Variants in ABCA4 observed in about 807,000 individuals in gnomAD.
The protein encoded by ABCA4 is retinal-specific phospholipid-transporting ATPase ABCA4.
A neutral mutation model predicts 263.7 loss-of-function variants in ABCA4; 196 were observed. The ratio of observed to expected loss-of-function variants is 0.74; its 90% CI spans 0.66 to 0.84. The LOEUF (loss-of-function observed/expected upper bound fraction) is 0.84. Among genes scored for constraint, ABCA4 ranks in the 40% least tolerant of loss-of-function variants. The pLI is 0.00. For synonymous variants in ABCA4, 1,133 were observed against 1,094.2 expected (o/e 1.04, Z -0.70); for missense variants, 2,792 against 2,855.1 (o/e 0.98, Z 0.50).
intron 1 of ABCA4, among the ~76,000 whole-genome samples, chr1:94,117,938 C>T (rs1206021697): frequency 5.9e-5 from 9 of 152,216 alleles, no homozygotes; most frequent in East Asian, 1.9e-4. Flanking sequence ...ATTAATAGTG[C>T]TCCCTTTCAC....
intron 17 of ABCA4, 148 bp downstream of exon 17, chr1:94,051,485 C>T: frequency 1.4e-6 from 1 of 735,484 alleles, no homozygotes; most frequent in South Asian, 1.6e-5. Flanking sequence ...GCTGCAATGC[C>T]CATCAAGGGG....
At chr1:94,087,353 G>A (rs1335455534) in intron 6 of ABCA4, among the ~76,000 whole-genome samples, 4 of 152,254 alleles carry the variant, frequency 2.6e-5, no homozygotes, top group Middle Eastern at 3.4e-3. Context: ...ACTAGGCTTC[G>A]TCACAGTGAC....
chr1:94,017,707 G>A (rs1285972888), intron 36 of ABCA4, among the ~76,000 whole-genome samples: 6 of 152,070 alleles, frequency 3.9e-5, no homozygotes, highest in Non-Finnish European at 2.9e-5. Flanking sequence ...AGTATACATC[G>A]GACGTGCTGA....
rs773118252 is a variant in ABCA4 at position 94,078,676 on chromosome 1, C to T, written c.1270G>A (p.Val424Ile). 15 of 1,593,534 alleles carry T rather than the reference C, an allele frequency of 9.4e-6. No homozygotes were observed. The highest frequency in any genetic ancestry group is 4.4e-5 in the South Asian group (4 of 90,806). The part of the protein sequence containing the change: ...ANSTFEELEH[V>I]RKLVKAWEEV... The stretch of plus-strand genomic sequence containing the variant: ...TCCCAGGCTTTGACCAACTTCCTAA[C>T]GTGTTCCAGTTCTTCAAAAGTTGAG... The change falls in exon 10 of 50, where the codon GTT (valine) becomes ATT (isoleucine). Residue 424 changes from valine (V) to isoleucine (I), a missense_variant. By Grantham distance (29) the Val-to-Ile change is conservative (BLOSUM62 3). Transcript: ENST00000370225.
chr1:94,020,017 A>T (rs1011197254), intron 35 of ABCA4, among the ~76,000 whole-genome samples: 3 of 152,114 alleles, frequency 2.0e-5, no homozygotes, highest in Non-Finnish European at 4.4e-5. Context: ...ATATTCTCTA[A>T]TTATTTTTAT....
At chr1:94,118,374 ACTCTTG>A (rs1196477414) in intron 1 of ABCA4, among the ~76,000 whole-genome samples, 4 of 152,074 alleles carry the variant, frequency 2.6e-5, no homozygotes, top group Non-Finnish European at 5.9e-5. Context: ...ATCTGATTTT[ACTCTTG>A]CTCTGCTTAC....
intron 1 of ABCA4, among the ~76,000 whole-genome samples, chr1:94,117,391 A>G (rs1662820111): frequency 1.3e-5 from 2 of 152,098 alleles, no homozygotes; most frequent in Admixed American, 1.3e-4. Flanking sequence ...TGCTGAACCC[A>G]GGACAAAGGC....
At chr1:94,079,247 T>TCA (rs1374542198) in intron 9 of ABCA4, 75 bp downstream of exon 9, 433 of 1,558,934 alleles carry the variant, frequency 2.8e-4, no homozygotes, top group Non-Finnish European at 3.4e-4. Context: ...GGCACATCTC[T>TCA]CTCACACACA....
intron 25 of ABCA4, 95 bp downstream of exon 25, chr1:94,037,050 T>A: frequency 7.3e-7 from 1 of 1,361,800 alleles, no homozygotes; most frequent in Non-Finnish European, 1.0e-6. Context: ...AACGATGGCT[T>A]TTTGCTTTTA....
At chr1:94,102,119 T>A (rs1662300775) in intron 5 of ABCA4, among the ~76,000 whole-genome samples, 1 of 152,116 alleles carries the variant, frequency 6.6e-6, no homozygotes. Flanking sequence ...CTCTGACCCA[T>A]CTCAGGATTG....
intron 19 of ABCA4, among the ~76,000 whole-genome samples, chr1:94,045,460 T>G (rs1379194958): frequency 6.6e-6 from 1 of 152,188 alleles, no homozygotes; most frequent in East Asian, 1.9e-4. Context: ...CTGTTAGTAT[T>G]AAACATTGTT....
intron 33 of ABCA4, 45 bp from the exon 34 acceptor site, chr1:94,021,759 T>C: frequency 6.2e-7 from 1 of 1,609,902 alleles, no homozygotes; most frequent in East Asian, 2.2e-5. Flanking sequence ...TTAATTTTTT[T>C]TTCCTGTTAT....
rs572789401 is a variant in ABCA4 at position 94,073,438 on chromosome 1, T to C, written c.1554+4252A>G. ...AGCACCAGCTTGGAGGCTGGGCCTA[T>C]TTACAGGAGGCACTAACATCATTTC... On this transcript the variant is annotated intron_variant, in intron 11 of 49. Coordinates refer to ENST00000370225, the MANE Select transcript of ABCA4 (RefSeq NM_000350.3). Among the ~76,000 whole-genome samples the C allele has an allele frequency of 2.2e-5, 3 of 139,052 alleles. No individual in the cohort carries two copies. The South Asian group carries it at 7.3e-4, about 34-fold the overall frequency. The allele number at this position is 139,052 out of a possible 152,430, so 91.2% of individuals were successfully genotyped here. A position where few individuals can be genotyped will look rare whatever the true frequency, so the allele number is the denominator to read the frequency against.
chr1:94,065,480 G>A lies in ABCA4; in HGVS notation c.1555-2163C>T, dbSNP rs541937024. The stretch of plus-strand genomic sequence containing the variant: ...AGTAGGCAATCCCAATTCATTCGCC[G>A]AAACCTCTCACTCCCGAGTCCCACC... On this transcript the variant is annotated intron_variant, in intron 11 of 49. Transcript: ENST00000370225. 7.9e-5 allele frequency among the ~76,000 whole-genome samples: 12 copies of A among 152,246 alleles called. 1 individual carries two copies. The highest frequency in any genetic ancestry group is 6.2e-4 in the South Asian group (3 of 4,814).
chr1:94,021,781 G>C (rs1022040446), intron 33 of ABCA4, 65 bp downstream of exon 33: 1 of 1,604,574 alleles, frequency 6.2e-7, no homozygotes, highest in Admixed American at 1.7e-5. Context: ...ACTCATGAGA[G>C]TTTCTCATTC....
chr1:94,103,072 G>A lies in ABCA4; in HGVS notation c.513C>T (p.Ile171=), dbSNP rs759373339. Residue 171 remains isoleucine (I), a synonymous_variant, in exon 5 of 50, where the codon ATC becomes ATT. Transcript: ENST00000370225. ...ETLTLFLIKN[I]GLSDSVVYLL... is the part of the protein sequence containing the mutation. ...GGTAGACCACTGAGTCAGACAGGCC[G>A]ATGTTTTTAATGAGAAATAGTGTCA... 30 of 1,614,066 alleles carry A rather than the reference G, an allele frequency of 1.9e-5. No individual in the cohort carries two copies. The highest frequency in any genetic ancestry group is 6.7e-5 in the African/African-American group (5 of 74,942).
At chr1:94,105,655 G>T (rs1289303998) in intron 4 of ABCA4, among the ~76,000 whole-genome samples, 1 of 151,844 alleles carries the variant, frequency 6.6e-6, no homozygotes, top group Non-Finnish European at 1.5e-5. Context: ...TGAGGGTGGG[G>T]GTGGGAGGGA....
At chr1:94,008,576 A>G (rs1183646380) in intron 41 of ABCA4, among the ~76,000 whole-genome samples, 175 bp downstream of exon 41, 1 of 152,172 alleles carries the variant, frequency 6.6e-6, no homozygotes, top group Non-Finnish European at 1.5e-5. Flanking sequence ...GGGAACACAC[A>G]TTGGAATTAG....
chr1:94,039,000 G>A (rs1173002373), intron 24 of ABCA4, among the ~76,000 whole-genome samples: 1 of 152,156 alleles, frequency 6.6e-6, no homozygotes, highest in Non-Finnish European at 1.5e-5. Flanking sequence ...ATTCAGCCAT[G>A]CAGGCCCTGT....
Sources: gnomAD v4.1 joint callset for allele counts (sites outside exome capture counted in the v4.1 genomes callset) on GRCh38, gnomAD v4.1.1 for gene constraint, MANE v1.5 for transcripts, NCBI Gene and HGNC (gene_info 2026-07-23, HGNC 2026-07-21) for gene names.